DMD: variants seen among roughly 807,000 people sequenced by gnomAD.
DMD encodes dystrophin, also known as mutant dystrophin.
A neutral mutation model predicts 330.1 loss-of-function variants in DMD; 63 were observed. The observed-to-expected ratio is 0.19, with a 90% CI of 0.16 to 0.24. The LOEUF (loss-of-function observed/expected upper bound fraction) is 0.24. Ranked by LOEUF, DMD falls within the 10% of genes least tolerant of loss-of-function variation. The pLI, the probability that DMD is intolerant of heterozygous loss-of-function variation, is 1.00. For synonymous variants in DMD, 1,223 were observed against 959.8 expected (o/e 1.27, Z -5.07); for missense variants, 3,344 against 2,684.1 (o/e 1.25, Z -5.43).
intron 67 of DMD, among the ~76,000 whole-genome samples, chrX:31,189,869 C>T (rs1358718013): frequency 8.9e-6 from 1 of 112,719 alleles, no homozygotes; most frequent in Non-Finnish European, 1.9e-5. Context: ...AAATAAGTTA[C>T]TTTCTCAAAC....
chrX:31,870,719 G>T (rs2093876755), intron 48 of DMD, among the ~76,000 whole-genome samples: 1 of 111,830 alleles, frequency 8.9e-6, no homozygotes, highest in Non-Finnish European at 1.9e-5. Context: ...GTAGTTTTTA[G>T]TGTGGATTTG....
chrX:31,214,930 CTTTTTTCTTTTT>C (rs1175773300), intron 64 of DMD, among the ~76,000 whole-genome samples: 4 of 46,136 alleles, frequency 8.7e-5, no homozygotes, highest in South Asian at 1.4e-3. Flanking sequence ...TTTTTTATTT[CTTTTTTCTTTTT>C]TTTTTTTTTT....
intron 76 of DMD, among the ~76,000 whole-genome samples, chrX:31,145,526 T>C (rs981458255): frequency 2.7e-5 from 3 of 112,043 alleles, no homozygotes; most frequent in Non-Finnish European, 5.6e-5. Context: ...TTTTGGGACA[T>C]GACTTAGAAG....
intron 16 of DMD, among the ~76,000 whole-genome samples, chrX:32,553,474 C>G (rs1262252771): frequency 2.7e-5 from 3 of 110,864 alleles, no homozygotes; most frequent in African/African-American, 9.9e-5. Flanking sequence ...TGCTTATTAC[C>G]TGGGTGATGA....
At chrX:31,972,354 A>G (rs1242616965) in intron 44 of DMD, among the ~76,000 whole-genome samples, 1 of 111,845 alleles carries the variant, frequency 8.9e-6, no homozygotes, top group Non-Finnish European at 1.9e-5. Context: ...ACAGGGAAGG[A>G]TATAAGAAAA....
At chrX:31,516,951 C>A (rs942295169) in intron 55 of DMD, among the ~76,000 whole-genome samples, 5 of 111,294 alleles carry the variant, frequency 4.5e-5, no homozygotes. Context: ...TCTGGTAATA[C>A]GTGATGCTTT....
chrX:32,297,342 C>G (rs957532957), intron 42 of DMD, among the ~76,000 whole-genome samples: 14 of 109,160 alleles, frequency 1.3e-4, no homozygotes, highest in African/African-American at 4.7e-4. Context: ...GGCGCAATCT[C>G]TGTTCACTGC....
intron 2 of DMD, among the ~76,000 whole-genome samples, chrX:32,915,925 T>A (rs1209802512): frequency 9.0e-6 from 1 of 111,289 alleles, no homozygotes; most frequent in African/African-American, 3.3e-5. Context: ...TGGGCTATTC[T>A]GGGAGGTGGT....
chrX:31,720,347 C>T (rs761584312), intron 52 of DMD, among the ~76,000 whole-genome samples: 1 of 111,888 alleles, frequency 8.9e-6, no homozygotes, highest in Non-Finnish European at 1.9e-5. Flanking sequence ...GTCCATGGCA[C>T]GTGTTTAACC....
intron 18 of DMD, among the ~76,000 whole-genome samples, chrX:32,511,573 T>A (rs757606791): frequency 9.3e-6 from 1 of 108,074 alleles, no homozygotes; most frequent in East Asian, 2.9e-4. Flanking sequence ...AATTTTCTTC[T>A]TGTTAGGAAA....
chrX:32,575,486 TCAAA>T (rs768849186), intron 13 of DMD, among the ~76,000 whole-genome samples: 4 of 112,293 alleles, frequency 3.6e-5, no homozygotes, highest in African/African-American at 1.3e-4. Flanking sequence ...GCCATAGCGC[TCAAA>T]CAGTGATGCG....
chrX:32,562,324 A>G (rs2051113774), intron 16 of DMD, among the ~76,000 whole-genome samples: 1 of 112,827 alleles, frequency 8.9e-6, no homozygotes, highest in Non-Finnish European at 1.9e-5. Flanking sequence ...GAAATGCAAG[A>G]GAGCAGTCCT....
At chrX:32,962,345 G>T (rs2091933436) in intron 2 of DMD, among the ~76,000 whole-genome samples, 1 of 111,805 alleles carries the variant, frequency 8.9e-6, no homozygotes, top group African/African-American at 3.2e-5. Flanking sequence ...ATGATTTGTT[G>T]TTGTAGATCT....
chrX:32,417,253 T>C (rs990641094), intron 29 of DMD, among the ~76,000 whole-genome samples: 1 of 111,757 alleles, frequency 8.9e-6, no homozygotes, highest in African/African-American at 3.3e-5. Context: ...TGCTCCACCA[T>C]ACCCACTTAT....
chrX:31,760,452 A>G (rs1471737982), intron 51 of DMD, among the ~76,000 whole-genome samples: 1 of 111,872 alleles, frequency 8.9e-6, no homozygotes, highest in Non-Finnish European at 1.9e-5. Flanking sequence ...ATTTTTCTGT[A>G]ACTTTTCTAT....
chrX:32,185,445 C>T (rs2096942363), intron 44 of DMD, among the ~76,000 whole-genome samples: 2 of 111,209 alleles, frequency 1.8e-5, no homozygotes, highest in Admixed American at 1.9e-4. Flanking sequence ...AGCATCGCCC[C>T]CAGGAATATG....
At chrX:32,030,737 A>G (rs1337573718) in intron 44 of DMD, among the ~76,000 whole-genome samples, 1 of 112,118 alleles carries the variant, frequency 8.9e-6, no homozygotes, top group Non-Finnish European at 1.9e-5. Context: ...TTTTAATGAA[A>G]TGATATCATA....
intron 2 of DMD, among the ~76,000 whole-genome samples, chrX:32,869,586 G>A (rs959373752): frequency 1.8e-5 from 2 of 108,708 alleles, no homozygotes; most frequent in African/African-American, 6.7e-5. Flanking sequence ...AAAAACACAA[G>A]AACTTCACAA....
intron 1 of DMD, among the ~76,000 whole-genome samples, chrX:33,195,208 A>G (rs2050858781): frequency 9.0e-6 from 1 of 111,689 alleles, no homozygotes; most frequent in African/African-American, 3.3e-5. Flanking sequence ...ACTGAAACTG[A>G]ATACTCTCTG....
Sources: gnomAD v4.1 joint callset for allele counts (sites outside exome capture counted in the v4.1 genomes callset) on GRCh38, gnomAD v4.1.1 for gene constraint, MANE v1.5 for transcripts, NCBI Gene and HGNC (gene_info 2026-07-23, HGNC 2026-07-21) for gene names.